Variants in TXLNB observed in about 807,000 individuals in gnomAD.
TXLNB encodes the protein beta-taxilin.
A neutral mutation model predicts 57.4 loss-of-function variants in TXLNB; 37 were observed. The observed-to-expected ratio is 0.64, with a 90% CI of 0.50 to 0.85. TXLNB has a LOEUF of 0.85. Ranked by LOEUF, TXLNB falls within the 40% of genes least tolerant of loss-of-function variation. The pLI is 0.00. For synonymous variants in TXLNB, 302 were observed against 309.6 expected (o/e 0.98, Z 0.26); for missense variants, 848 against 825.6 (o/e 1.03, Z -0.33).
At chr6:139,192,645 A>G in the TXLNB span, among the ~76,000 whole-genome samples, 3 of 152,172 alleles carry the variant, frequency 2.0e-5, no homozygotes, top group African/African-American at 4.8e-5. Context: ...TGATCACTCC[A>G]CTAAAACTAC....
intron 2 of TXLNB, among the ~76,000 whole-genome samples, chr6:139,286,261 C>A (rs1259003911): frequency 2.3e-4 from 35 of 149,684 alleles, no homozygotes; most frequent in African/African-American, 7.9e-4. Context: ...TGTAAACTCT[C>A]CTCCCTGTCA....
the TXLNB span, among the ~76,000 whole-genome samples, chr6:139,312,650 G>A: frequency 1.3e-5 from 2 of 149,018 alleles, no homozygotes; most frequent in African/African-American, 5.0e-5. Flanking sequence ...AGAGTTGTAG[G>A]AGACTTGAAT....
chr6:139,183,904 C>A, the TXLNB span, among the ~76,000 whole-genome samples: 1 of 151,734 alleles, frequency 6.6e-6, no homozygotes, highest in South Asian at 2.1e-4. Flanking sequence ...AATCACTAAG[C>A]CTGTCAGACA....
the TXLNB span, among the ~76,000 whole-genome samples, chr6:139,309,321 T>C: frequency 0.3 from 45,555 of 152,142 alleles, 7,009 homozygotes; most frequent in South Asian, 0.4. Flanking sequence ...AGCTATGAAT[T>C]CTCTTTCTGT....
chr6:139,234,783 C>A, the TXLNB span, among the ~76,000 whole-genome samples: 3 of 152,152 alleles, frequency 2.0e-5, no homozygotes, highest in Non-Finnish European at 4.4e-5. Flanking sequence ...GAGCGTGGAG[C>A]TGTGAGAAGC....
At chr6:139,279,697 T>C (rs1776993695) in intron 2 of TXLNB, among the ~76,000 whole-genome samples, 1 of 152,148 alleles carries the variant, frequency 6.6e-6, no homozygotes. Flanking sequence ...TTGGTGACAG[T>C]GTCAAACAAA....
the TXLNB span, among the ~76,000 whole-genome samples, chr6:139,311,789 C>A: frequency 9.2e-5 from 14 of 152,130 alleles, no homozygotes; most frequent in Admixed American, 3.3e-4. Flanking sequence ...GGCACAACAG[C>A]AAAGTACCGT....
downstream of TXLNB, among the ~76,000 whole-genome samples, chr6:139,236,578 T>A (rs1475379686): frequency 6.6e-6 from 1 of 152,198 alleles, no homozygotes; most frequent in Non-Finnish European, 1.5e-5. Context: ...CCTTCCACCA[T>A]GATTTTAAGT....
At chr6:139,277,660 C>T (rs192617899) in intron 2 of TXLNB, among the ~76,000 whole-genome samples, 1 of 152,142 alleles carries the variant, frequency 6.6e-6, no homozygotes, top group Non-Finnish European at 1.5e-5. Flanking sequence ...TTCCTTTCCC[C>T]CACCTAGGCC....
Position 139,269,376 on chromosome 6 carries a change from C to T in TXLNB, c.687+1080G>A, listed in dbSNP as rs1356686701. On this transcript the variant is annotated intron_variant, in intron 4 of 9. Transcript: ENST00000358430. Reference sequence around the variant, plus strand: ...CAGGCACACAAGAGATTTATGCATCCTTTGAATCCAAACCTTGAGTTGAGG... The same window carrying T: ...CAGGCACACAAGAGATTTATGCATCTTTTGAATCCAAACCTTGAGTTGAGG... Among the ~76,000 whole-genome samples, 3 of 152,320 alleles carry T rather than the reference C, an allele frequency of 2.0e-5. No individual in the cohort carries two copies. The South Asian group carries it at 6.2e-4, about 32-fold the overall frequency.
chr6:139,232,741 C>CTTTA, the TXLNB span, among the ~76,000 whole-genome samples: 1 of 152,324 alleles, frequency 6.6e-6, no homozygotes, highest in African/African-American at 2.4e-5. Context: ...GAACCCTGAC[C>CTTTA]TTTAGCCAAT....
At chr6:139,272,242 G>A (rs1399765315) in intron 3 of TXLNB, among the ~76,000 whole-genome samples, 2 of 152,188 alleles carry the variant, frequency 1.3e-5, no homozygotes, top group African/African-American at 2.4e-5. Flanking sequence ...GGGAGATGGA[G>A]GTTGCAGTGA....
chr6:139,179,176 T>A, the TXLNB span: 1 of 152,256 alleles, frequency 6.6e-6, no homozygotes, highest in Non-Finnish European at 1.5e-5. Context: ...ACTATCTCCT[T>A]ATTGATTCTC....
intron 7 of TXLNB, among the ~76,000 whole-genome samples, chr6:139,250,726 C>A (rs1198380084): frequency 6.6e-6 from 1 of 152,170 alleles, no homozygotes; most frequent in Non-Finnish European, 1.5e-5. Flanking sequence ...TCTTGCAGCC[C>A]TGTAGTTGCA....
At chr6:139,206,712 A>T in the TXLNB span, among the ~76,000 whole-genome samples, 3,573 of 152,106 alleles carry the variant, frequency 0.023, 140 homozygotes, top group African/African-American at 0.081. Flanking sequence ...GAATGGATTT[A>T]AAAAAACCTA....
the TXLNB span, chr6:139,167,358 T>A: frequency 6.7e-7 from 1 of 1,482,688 alleles, no homozygotes; most frequent in South Asian, 1.3e-5. Context: ...CTGCTTTCTG[T>A]TTGTTAAAAA....
At position 139,262,792 on chromosome 6, in the gene TXLNB, A is replaced by G; in HGVS notation, c.688-19T>C. Reference sequence around the variant, plus strand: ...CCTCTTCCTGCGGATAAAAAGCAAAACATTTTGTTTAAATGCACCCCGGGT... The same window carrying G: ...CCTCTTCCTGCGGATAAAAAGCAAAGCATTTTGTTTAAATGCACCCCGGGT... On this transcript the variant is annotated intron_variant, in intron 4 of 9. Coordinates refer to ENST00000358430, the MANE Select transcript of TXLNB (RefSeq NM_153235.4). The G allele has an allele frequency of 6.2e-7, 1 of 1,610,146 alleles. No individual in the cohort carries two copies. Among genetic ancestry groups the G allele is most frequent in the Non-Finnish European group, 8.5e-7 (1 of 1,178,224 alleles).
upstream of TXLNB, among the ~76,000 whole-genome samples, chr6:139,296,543 T>C (rs756866604): frequency 3.2e-4 from 49 of 152,174 alleles, 1 homozygote; most frequent in Non-Finnish European, 4.0e-4. Context: ...GATGCTTACT[T>C]GGTTTTAATG....
the TXLNB span, chr6:139,178,156 G>C: frequency 6.6e-6 from 1 of 152,112 alleles, no homozygotes; most frequent in African/African-American, 2.4e-5. Flanking sequence ...GTATGTTTTG[G>C]AAAATCAATG....
Sources: gnomAD v4.1 joint callset for allele counts (sites outside exome capture counted in the v4.1 genomes callset) on GRCh38, gnomAD v4.1.1 for gene constraint, MANE v1.5 for transcripts, NCBI Gene and HGNC (gene_info 2026-07-23, HGNC 2026-07-21) for gene names.